The following GLIS3 variants were observed in gnomAD, a reference collection of about 807,000 sequenced individuals.
GLIS3 encodes zinc finger protein GLIS3.
In GLIS3, 53 loss-of-function variants were observed where a neutral mutation model predicts 78.6. The ratio of observed to expected loss-of-function variants is 0.67; its 90% confidence interval spans 0.54 to 0.85. The LOEUF is 0.85. GLIS3 is among the 40% of genes least tolerant of loss of function. The pLI is 0.00. For synonymous variants in GLIS3, 684 were observed against 509.9 expected (o/e 1.34, Z -4.60); for missense variants, 1,703 against 1,231.1 (o/e 1.38, Z -5.74).
In GLIS3 at chr9:4,071,836, T is replaced by G. The variant is rs1482988718; in HGVS notation, c.1710+45932A>C. ...ATAATTTTAAAGCATTTTCCTAATA[T>G]ATCATTTTAAAAGTCACCCTGAGAA... On this transcript the variant is annotated intron_variant, in intron 4 of 10. Coordinates refer to ENST00000381971, the MANE Select transcript of GLIS3 (RefSeq NM_001042413.2). 2.0e-5 allele frequency: 3 copies of G among 152,218 alleles called. No individual in the cohort carries two copies. The East Asian group carries it at 5.8e-4, about 29-fold the overall frequency. 9.4% of individuals were successfully genotyped at this position (152,218 alleles called of 1,614,324 possible).
At chr9:4,488,957 T>G in the GLIS3 span, among the ~76,000 whole-genome samples, 1 of 151,778 alleles carries the variant, frequency 6.6e-6, no homozygotes, top group African/African-American at 2.4e-5. Context: ...ATCTCCACCT[T>G]CCAGGTTCAA....
At chr9:4,366,989 G>A in the GLIS3 span, among the ~76,000 whole-genome samples, 2 of 152,218 alleles carry the variant, frequency 1.3e-5, no homozygotes, top group African/African-American at 4.8e-5. Context: ...TGAATTCCGT[G>A]AATGAAGGAT....
chr9:4,310,082 A>G (rs1296776810), intron 3 of GLIS3, among the ~76,000 whole-genome samples: 1 of 152,122 alleles, frequency 6.6e-6, no homozygotes, highest in Non-Finnish European at 1.5e-5. Flanking sequence ...AATGTTTTTA[A>G]GTCTGGATTT....
chr9:4,228,509 T>C (rs534907257), intron 2 of GLIS3, among the ~76,000 whole-genome samples: 2 of 152,328 alleles, frequency 1.3e-5, no homozygotes, highest in South Asian at 4.1e-4. Flanking sequence ...ATCATATTCA[T>C]CATTATAAAA....
the GLIS3 span, among the ~76,000 whole-genome samples, chr9:4,405,120 C>A: frequency 1.3e-5 from 2 of 152,022 alleles, no homozygotes; most frequent in South Asian, 2.1e-4. Context: ...TTTGGGAGGC[C>A]GAGGAGGGTG....
intron 4 of GLIS3, among the ~76,000 whole-genome samples, chr9:4,090,293 C>T (rs1051097224): frequency 2.6e-5 from 4 of 152,222 alleles, no homozygotes; most frequent in Middle Eastern, 3.4e-3. Context: ...GCGGTCCTGG[C>T]TCAATATATA....
chr9:4,340,725 G>C (rs1351544744), intron 2 of GLIS3, among the ~76,000 whole-genome samples: 1 of 152,136 alleles, frequency 6.6e-6, no homozygotes, highest in Non-Finnish European at 1.5e-5. Context: ...GTCTCGCTCT[G>C]TCACCCATCA....
chr9:3,831,360 A>G (rs769915340), intron 9 of GLIS3, among the ~76,000 whole-genome samples: 83 of 152,336 alleles, frequency 5.4e-4, no homozygotes, highest in Non-Finnish European at 8.1e-4. Context: ...TTGATCATCC[A>G]ATATGAGCAA....
chr9:3,887,578 G>A (rs1032753198), intron 7 of GLIS3, among the ~76,000 whole-genome samples: 4 of 152,276 alleles, frequency 2.6e-5, no homozygotes, highest in Admixed American at 1.3e-4. Flanking sequence ...AAACTTCTGC[G>A]TAGGCTGCTC....
In GLIS3 at chr9:4,072,888, G is replaced by A. The variant is rs376532909; in HGVS notation, c.1710+44880C>T. 2.6e-5 allele frequency among the ~76,000 whole-genome samples: 4 copies of A among 152,072 alleles called. No homozygotes were observed. The East Asian group carries it at 5.8e-4, about 22-fold the overall frequency. ...TCATACTTATCATTTTATAGTTCAC[G>A]TACAGCCCCAAATCGAACTGAAAGC... On this transcript the variant is annotated intron_variant, in intron 4 of 10. Coordinates refer to ENST00000381971, the MANE Select transcript of GLIS3 (RefSeq NM_001042413.2).
chr9:4,356,263 G>A, the GLIS3 span, among the ~76,000 whole-genome samples: 1 of 152,176 alleles, frequency 6.6e-6, no homozygotes, highest in African/African-American at 2.4e-5. Flanking sequence ...GGAGAGACTG[G>A]CCCACAATTT....
intron 4 of GLIS3, among the ~76,000 whole-genome samples, chr9:4,100,228 C>T (rs1270240275): frequency 6.6e-6 from 1 of 152,172 alleles, no homozygotes; most frequent in Non-Finnish European, 1.5e-5. Context: ...GAAGTCATTT[C>T]CCTTCCACCA....
intron 2 of GLIS3, among the ~76,000 whole-genome samples, chr9:4,136,861 A>G (rs1564102753): frequency 6.6e-6 from 1 of 152,246 alleles, no homozygotes. Context: ...ACCTGGCTAC[A>G]TATTGGCATC....
the GLIS3 span, among the ~76,000 whole-genome samples, chr9:4,462,530 G>A: frequency 1.3e-5 from 2 of 151,998 alleles, no homozygotes; most frequent in South Asian, 2.1e-4. Flanking sequence ...GCAGAGGCAG[G>A]AGCATTGCTT....
chr9:4,188,832 C>T (rs528089439), intron 2 of GLIS3, among the ~76,000 whole-genome samples: 10 of 152,204 alleles, frequency 6.6e-5, no homozygotes, highest in African/African-American at 2.2e-4. Context: ...TCTGTGGGAT[C>T]GGTGGTGATA....
At chr9:4,334,108 C>G (rs1817721077) in intron 2 of GLIS3, among the ~76,000 whole-genome samples, 2 of 152,134 alleles carry the variant, frequency 1.3e-5, no homozygotes, top group Admixed American at 6.5e-5. Flanking sequence ...ACAGTTACAG[C>G]AAGTTCTGAC....
At position 3,872,514 on chromosome 9, in the gene GLIS3, C is replaced by G. The variant is rs578016646; in HGVS notation, c.2297+6913G>C. Among the ~76,000 whole-genome samples, 5 of 152,282 alleles carry G rather than the reference C, an allele frequency of 3.3e-5. No individual in the cohort carries two copies. In the South Asian group the frequency reaches 6.2e-4, roughly 19 times the overall value. ...TGGCAGATTGTAAGGAGGAGCAACT[C>G]CCATTTTACATGGATGGCAGCAGGC... is the stretch of plus-strand genomic sequence containing the variant. On this transcript the variant is annotated intron_variant, in intron 8 of 10. Transcript: ENST00000381971.
the GLIS3 span, among the ~76,000 whole-genome samples, chr9:4,398,531 T>C: frequency 2.6e-4 from 39 of 152,054 alleles, no homozygotes; most frequent in Non-Finnish European, 3.8e-4. Context: ...ATTGCCTCCT[T>C]CTTCTTTCTT....
At chr9:4,065,632 G>GA (rs963695282) in intron 4 of GLIS3, among the ~76,000 whole-genome samples, 2 of 151,872 alleles carry the variant, frequency 1.3e-5, no homozygotes, top group Non-Finnish European at 2.9e-5. Context: ...CTTTGGGCCA[G>GA]AAAAAAAATA....
Sources: gnomAD v4.1 joint callset for allele counts (sites outside exome capture counted in the v4.1 genomes callset) on GRCh38, gnomAD v4.1.1 for gene constraint, MANE v1.5 for transcripts, NCBI Gene and HGNC (gene_info 2026-07-23, HGNC 2026-07-21) for gene names.